TCF4: variants seen among roughly 807,000 people sequenced by gnomAD.
The protein encoded by TCF4 is transcription factor 4, also known as SL3-3 enhancer factor 2.
TCF4 carries 3 observed loss-of-function variants against 82.1 expected under a neutral mutation model. The ratio of observed to expected loss-of-function variants is 0.04; its 90% CI spans 0.02 to 0.09. The LOEUF is 0.09. Among genes scored for constraint, TCF4 ranks in the 10% least tolerant of loss-of-function variants. The probability of loss-of-function intolerance (pLI) is 1.00; values close to 1 mark genes in which losing one functional copy is unlikely to be tolerated. For missense variants in TCF4, 518 were observed against 852.7 expected, an observed-to-expected ratio of 0.61 and a Z score of 4.89; for synonymous variants, 276 against 309.6, an observed-to-expected ratio of 0.89 and a Z score of 1.14.
chr18:55,342,114 T>C (rs185370673), intron 8 of TCF4, among the ~76,000 whole-genome samples: 26 of 152,314 alleles, frequency 1.7e-4, no homozygotes, highest in Middle Eastern at 3.4e-3. Context: ...TTTCCCCTTC[T>C]ACCTGGGCAC....
intron 8 of TCF4, among the ~76,000 whole-genome samples, chr18:55,293,931 CTTTTTTTTTTTTTTTTTTTT>C (rs781150808): frequency 1.2e-4 from 5 of 40,032 alleles, no homozygotes; most frequent in African/African-American, 2.0e-4. Flanking sequence ...TTTCCAAGGA[CTTTTTTTTTTTTTTTTTTTT>C]TTTTTTTTTT....
At chr18:55,396,498 A>C (rs556744470) in intron 6 of TCF4, among the ~76,000 whole-genome samples, 4 of 152,330 alleles carry the variant, frequency 2.6e-5, no homozygotes, top group African/African-American at 7.2e-5. Context: ...GCAGCTTCAC[A>C]GAGCACCACA....
intron 2 of TCF4, among the ~76,000 whole-genome samples, chr18:55,615,042 CTCTGTTCTTTG>C (rs1180294946): frequency 1.3e-5 from 2 of 152,102 alleles, no homozygotes; most frequent in African/African-American, 4.8e-5. Flanking sequence ...GGACCCCCAA[CTCTGTTCTTTG>C]TCTGCATTGT....
At chr18:55,312,580 G>A (rs1012615228) in intron 8 of TCF4, among the ~76,000 whole-genome samples, 5 of 152,152 alleles carry the variant, frequency 3.3e-5, no homozygotes, top group African/African-American at 7.2e-5. Flanking sequence ...AATGATTCAT[G>A]TAAGTCATCT....
intron 8 of TCF4, among the ~76,000 whole-genome samples, chr18:55,305,893 T>A (rs934592379): frequency 6.6e-6 from 1 of 152,172 alleles, no homozygotes; most frequent in Non-Finnish European, 1.5e-5. Flanking sequence ...AATGAAGTAG[T>A]GTGTCACTCC....
chr18:55,256,331 T>A (rs562725609), intron 14 of TCF4, among the ~76,000 whole-genome samples: 6 of 152,228 alleles, frequency 3.9e-5, no homozygotes, highest in African/African-American at 1.4e-4. Flanking sequence ...AGAGAATAAC[T>A]GATGAAGGTA....
At chr18:55,234,810 A>G (rs2048887529) in intron 15 of TCF4, 127 bp from the exon 16 acceptor site, 3 of 1,336,746 alleles carry the variant, frequency 2.2e-6, no homozygotes, top group African/African-American at 2.9e-5. Context: ...GTTTCACTAG[A>G]GGGCGCTGAA....
At chr18:55,403,677 A>G in intron 5 of TCF4, 159 bp from the exon 6 acceptor site, 2 of 1,564,698 alleles carry the variant, frequency 1.3e-6, no homozygotes, top group South Asian at 2.3e-5. Context: ...ACACTTCCTC[A>G]CTCTGGCTAT....
chr18:55,237,348 C>G (rs1386327396), intron 15 of TCF4, among the ~76,000 whole-genome samples: 3 of 152,064 alleles, frequency 2.0e-5, no homozygotes, highest in Non-Finnish European at 4.4e-5. Context: ...GTTGTTCCAA[C>G]TACATTTTTG....
intron 1 of TCF4, among the ~76,000 whole-genome samples, chr18:55,635,024 T>A (rs533860747): frequency 6.6e-6 from 1 of 152,190 alleles, no homozygotes; most frequent in South Asian, 2.1e-4. Context: ...AAAAAACACA[T>A]GAGAGTGGTT....
intron 5 of TCF4, chr18:55,423,445 A>G (rs2094856749): frequency 6.6e-6 from 1 of 150,958 alleles, no homozygotes; most frequent in African/African-American, 2.4e-5. Context: ...ACACACACAC[A>G]CACACACACA....
intron 3 of TCF4, among the ~76,000 whole-genome samples, chr18:55,557,313 C>G (rs1025306489): frequency 6.6e-6 from 1 of 152,010 alleles, no homozygotes; most frequent in Admixed American, 6.6e-5. Flanking sequence ...TAGTGTACAC[C>G]TGTAGTCTCA....
intron 2 of TCF4, among the ~76,000 whole-genome samples, chr18:55,599,657 A>AT (rs2097694720): frequency 6.6e-6 from 1 of 152,148 alleles, no homozygotes; most frequent in South Asian, 2.1e-4. Context: ...GGAGGCAGGG[A>AT]TTGCGGTGAG....
chr18:55,615,285 C>T (rs1414700498), intron 2 of TCF4, among the ~76,000 whole-genome samples: 1 of 152,090 alleles, frequency 6.6e-6, no homozygotes, highest in Admixed American at 6.5e-5. Context: ...ACAACACTTG[C>T]ACATTTTTGT....
chr18:55,625,048 T>C (rs182259716), intron 2 of TCF4, among the ~76,000 whole-genome samples: 32 of 152,260 alleles, frequency 2.1e-4, no homozygotes, highest in Middle Eastern at 3.4e-3. Context: ...AATATTTTCA[T>C]AAAAATCATG....
At chr18:55,397,741 A>T (rs2093585407) in intron 6 of TCF4, among the ~76,000 whole-genome samples, 1 of 152,202 alleles carries the variant, frequency 6.6e-6, no homozygotes, top group Admixed American at 6.5e-5. Context: ...GGATAATAAC[A>T]GTATGTTAGT....
chr18:55,315,503 C>A lies in TCF4; in HGVS notation c.549+34856G>T, dbSNP rs188271030. The stretch of plus-strand genomic sequence containing the variant: ...GCAAATAAAAGGTTGTAGTTTGGAA[C>A]CAAGTCATGGATCTTTAGCACTGCA... On this transcript the variant is annotated intron_variant, in intron 8 of 19. Transcript: ENST00000354452. Among the ~76,000 whole-genome samples the A allele has an allele frequency of 4.6e-5, 7 of 152,156 alleles. No homozygotes were observed. The East Asian group carries it at 1.4e-3, about 29-fold the overall frequency.
Position 55,254,597 on chromosome 18 carries a change from T to C in TCF4, c.1250A>G (p.Asp417Gly). Residue 417 changes from aspartate to glycine, a missense_variant, in exon 15 of 20, where the codon GAC becomes GGC. Asp to Gly is a moderately conservative substitution (Grantham distance 94, BLOSUM62 -1). Coordinates refer to ENST00000354452, the MANE Select transcript of TCF4 (RefSeq NM_001083962.2). ...AGAAGGTCCAATGATTCCATGCATG[T>C]CCCCATGACCACCAGGCATAGCTGT... ...PSTAMPGGHG[D>G]MHGIIGPSHN... The C allele has an allele frequency of 6.2e-7, 1 of 1,613,692 alleles. No homozygotes were observed. Among genetic ancestry groups the C allele is most frequent in the Non-Finnish European group, 8.5e-7 (1 of 1,179,808 alleles).
At position 55,461,250 on chromosome 18, in the gene TCF4, A is replaced by G. The variant is rs148817753; in HGVS notation, c.208-135T>C. The stretch of plus-strand genomic sequence containing the variant: ...TATTCCCTCCCTGGAACTTCACTAG[A>G]AGGAATCTGCACTTTCACAGGTATA... On this transcript the variant is annotated intron_variant, in intron 4 of 19. Coordinates refer to ENST00000354452, the MANE Select transcript of TCF4 (RefSeq NM_001083962.2). 2.9e-3 allele frequency: 2,068 copies of G among 706,346 alleles called. 5 individuals are homozygous for G. The highest frequency in any genetic ancestry group is 4.0e-3 in the Non-Finnish European group (1,666 of 417,042). 43.8% of individuals were successfully genotyped at this position (706,346 alleles called of 1,614,324 possible). A position where few individuals can be genotyped will look rare whatever the true frequency, so the allele number is the denominator to read the frequency against.
Sources: gnomAD v4.1 joint callset for allele counts (sites outside exome capture counted in the v4.1 genomes callset) on GRCh38, gnomAD v4.1.1 for gene constraint, MANE v1.5 for transcripts, NCBI Gene and HGNC (gene_info 2026-07-23, HGNC 2026-07-21) for gene names.